Variants in ARL6IP6 observed in about 807,000 individuals in gnomAD.
The protein encoded by ARL6IP6 is ADP-ribosylation factor-like protein 6-interacting protein 6.
In ARL6IP6, 22 loss-of-function variants were observed where a neutral mutation model predicts 21.5. The observed-to-expected ratio is 1.02, with a 90% confidence interval of 0.73 to 1.46. The LOEUF (loss-of-function observed/expected upper bound fraction) is 1.46. Among genes scored for constraint, ARL6IP6 ranks in the 40% most tolerant of loss-of-function variants. The probability of loss-of-function intolerance (pLI) is 0.00; values close to 1 mark genes in which losing one functional copy is unlikely to be tolerated. For synonymous variants in ARL6IP6, 164 were observed against 125.3 expected (o/e 1.31, Z -2.06); for missense variants, 388 against 299.8 (o/e 1.29, Z -2.17).
chr2:152,761,917 ATATT>A lies in ARL6IP6; in HGVS notation c.*2078_*2081del, dbSNP rs1701863169. ...ATGACTATATATACCTACAAGATATATATTAATATAGATAAATATAGAGAGAGAT... is the reference window on the plus strand; with the variant it reads ...ATGACTATATATACCTACAAGATATAAATATAGATAAATATAGAGAGAGAT... On this transcript the variant is annotated 3_prime_UTR_variant, in exon 4 of 4. Coordinates refer to ENST00000326446, the MANE Select transcript of ARL6IP6 (RefSeq NM_152522.7). 6.6e-6 allele frequency among the ~76,000 whole-genome samples: 1 copy of A among 152,310 alleles called. No individual in the cohort carries two copies. The highest frequency in any genetic ancestry group is 6.5e-5 in the Admixed American group (1 of 15,296).
chr2:152,730,609 A>T (rs949804545), intron 2 of ARL6IP6, among the ~76,000 whole-genome samples: 1 of 151,994 alleles, frequency 6.6e-6, no homozygotes, highest in African/African-American at 2.4e-5. Context: ...ACCCAATTCC[A>T]GGTTGGGTTG....
intron 3 of ARL6IP6, among the ~76,000 whole-genome samples, chr2:152,749,982 A>G (rs1468493096): frequency 6.6e-6 from 1 of 152,226 alleles, no homozygotes; most frequent in Non-Finnish European, 1.5e-5. Flanking sequence ...AGCAGGTTAA[A>G]TTATATCCAT....
At position 152,718,879 on chromosome 2, in the gene ARL6IP6, T is replaced by C. The variant is rs563289482; in HGVS notation, c.255T>C (p.Asp85=). The C allele has an allele frequency of 6.2e-7, 1 of 1,613,756 alleles. No homozygotes were observed. The highest frequency in any genetic ancestry group is 1.7e-5 in the Admixed American group (1 of 59,998). The change falls in exon 1 of 4, where the codon GAT becomes GAC. Residue 85 remains aspartate (D), a synonymous_variant. Transcript: ENST00000326446. ...PDGNGSPVLP[D]KRNGIFPAAA... ...GGAACGGGTCGCCCGTTCTGCCCGA[T>C]AAGCGCAATGGTATCTTTCCCGCGG...
At chr2:152,720,138 T>G (rs1207859340) in intron 1 of ARL6IP6, 1 of 43,280 alleles carries the variant, frequency 2.3e-5, no homozygotes, top group African/African-American at 2.1e-4. Context: ...GGTGGTTTAT[T>G]TCTGTTTTGC....
intron 3 of ARL6IP6, among the ~76,000 whole-genome samples, chr2:152,759,543 C>A (rs957357199): frequency 6.6e-6 from 1 of 152,092 alleles, no homozygotes; most frequent in Non-Finnish European, 1.5e-5. Flanking sequence ...AATTGTTAAC[C>A]AGTACAGTTT....
chr2:152,717,768 G>T, upstream of ARL6IP6: 3 of 1,248,508 alleles, frequency 2.4e-6, no homozygotes, highest in Non-Finnish European at 3.0e-6. Context: ...CCCCGTAGGG[G>T]GTGGGGCAGT....
chr2:152,727,675 ATTG>A lies in ARL6IP6; in HGVS notation c.454+7094_454+7096del, dbSNP rs1417810776. 2.6e-5 allele frequency among the ~76,000 whole-genome samples: 4 copies of A among 152,288 alleles called. No homozygotes were observed. The East Asian group carries it at 5.8e-4, about 22-fold the overall frequency. ...AGTATGTTCAGATACACAAGTACTTATTGTTGTATTACAGTCGCGTGCAGTATT... is the reference window on the plus strand; with the variant it reads ...AGTATGTTCAGATACACAAGTACTTATTGTATTACAGTCGCGTGCAGTATT... On this transcript the variant is annotated intron_variant, in intron 2 of 3. Transcript: ENST00000326446.
intron 3 of ARL6IP6, among the ~76,000 whole-genome samples, chr2:152,742,931 CTGTT>C (rs1245459139): frequency 2.0e-5 from 3 of 152,188 alleles, no homozygotes; most frequent in African/African-American, 4.8e-5. Context: ...TTGCAACTGA[CTGTT>C]TATTTTTATT....
upstream of ARL6IP6, chr2:152,717,767 G>A: frequency 4.0e-6 from 5 of 1,250,242 alleles, no homozygotes; most frequent in Non-Finnish European, 5.1e-6. Context: ...ACCCCGTAGG[G>A]GGTGGGGCAG....
At chr2:152,722,305 G>A (rs1010388847) in intron 2 of ARL6IP6, among the ~76,000 whole-genome samples, 1 of 152,176 alleles carries the variant, frequency 6.6e-6, no homozygotes, top group Non-Finnish European at 1.5e-5. Flanking sequence ...ATTGTCAAGA[G>A]TCAGGAATGA....
At chr2:152,725,370 C>CT (rs1236268820) in intron 2 of ARL6IP6, among the ~76,000 whole-genome samples, 1 of 151,852 alleles carries the variant, frequency 6.6e-6, no homozygotes, top group African/African-American at 2.4e-5. Context: ...TTTCCTAAGA[C>CT]TTTAAGTATT....
At chr2:152,725,671 A>G (rs1055534179) in intron 2 of ARL6IP6, among the ~76,000 whole-genome samples, 5 of 152,174 alleles carry the variant, frequency 3.3e-5, no homozygotes, top group Admixed American at 3.3e-4. Context: ...AGCAGGAATA[A>G]TGACAAGCTG....
chr2:152,737,002 A>G (rs1700584213), intron 3 of ARL6IP6, among the ~76,000 whole-genome samples: 1 of 152,204 alleles, frequency 6.6e-6, no homozygotes, highest in Admixed American at 6.5e-5. Flanking sequence ...ATTAACAAAA[A>G]GAGATACAGT....
intron 2 of ARL6IP6, among the ~76,000 whole-genome samples, chr2:152,728,991 G>A (rs932490106): frequency 9.2e-5 from 14 of 151,500 alleles, no homozygotes; most frequent in Admixed American, 2.6e-4. Context: ...CTGGGAGGCG[G>A]AGGTTGCAGT....
chr2:152,743,143 T>C (rs1429530487), intron 3 of ARL6IP6, among the ~76,000 whole-genome samples: 2 of 152,202 alleles, frequency 1.3e-5, no homozygotes, highest in African/African-American at 2.4e-5. Context: ...CTAGTACCTG[T>C]ATTCCACTTT....
chr2:152,728,215 T>G (rs892197370), intron 2 of ARL6IP6, among the ~76,000 whole-genome samples: 1 of 152,220 alleles, frequency 6.6e-6, no homozygotes, highest in Non-Finnish European at 1.5e-5. Flanking sequence ...ACCAGTTTAT[T>G]TAAACATTTC....
At chr2:152,742,272 T>C (rs1574049594) in intron 3 of ARL6IP6, among the ~76,000 whole-genome samples, 1 of 152,086 alleles carries the variant, frequency 6.6e-6, no homozygotes, top group African/African-American at 2.4e-5. Context: ...GCTAGAACTC[T>C]AAAGATAATC....
intron 3 of ARL6IP6, among the ~76,000 whole-genome samples, chr2:152,751,322 A>C (rs930547820): frequency 6.6e-6 from 1 of 152,192 alleles, no homozygotes; most frequent in African/African-American, 2.4e-5. Context: ...ATCACTGAAA[A>C]CATTTATCAT....
At chr2:152,753,620 A>T (rs1284774156) in intron 3 of ARL6IP6, among the ~76,000 whole-genome samples, 4 of 144,332 alleles carry the variant, frequency 2.8e-5, no homozygotes, top group Admixed American at 2.1e-4. Context: ...GGTGTTTATT[A>T]AAAAAAAAAA....
Sources: allele counts gnomAD v4.1 joint callset (sites outside exome capture counted in the v4.1 genomes callset), GRCh38; gene constraint gnomAD v4.1.1; transcripts MANE v1.5; gene names NCBI Gene and HGNC (gene_info 2026-07-23, HGNC 2026-07-21).